INSR: variants seen among roughly 807,000 people sequenced by gnomAD.
INSR encodes the protein insulin receptor, also known as IR.
INSR carries 67 observed loss-of-function variants against 142.6 expected under a neutral mutation model. That is an observed-to-expected ratio of 0.47 (90% CI 0.39 to 0.58). INSR has a LOEUF of 0.58. Ranked by LOEUF, INSR falls within the 20% of genes least tolerant of loss-of-function variation. The pLI is 0.00. For synonymous variants in INSR, 756 were observed against 743.1 expected (o/e 1.02, Z -0.28); for missense variants, 1,248 against 1,833.2 (o/e 0.68, Z 5.83).
At chr19:7,256,706 A>G (rs1340331734) in intron 2 of INSR, among the ~76,000 whole-genome samples, 2 of 152,094 alleles carry the variant, frequency 1.3e-5, no homozygotes, top group Non-Finnish European at 2.9e-5. Flanking sequence ...AGCCTGGACA[A>G]CAGAGTTGAG....
rs1361074737 is a variant in INSR, at chr19:7,167,960, C to T, written c.1610+8G>A. 1.9e-6 allele frequency: 3 copies of T among 1,613,876 alleles called. No individual in the cohort carries two copies. Among genetic ancestry groups the T allele is most frequent in the Admixed American group, 1.7e-5 (1 of 59,974 alleles). Reference sequence around the variant, plus strand: ...CCTCCTCAGCGTCTCTCTAACTCTTCTACTTACGCCTCTTTGTAGAACAGC... The same window carrying T: ...CCTCCTCAGCGTCTCTCTAACTCTTTTACTTACGCCTCTTTGTAGAACAGC... On this transcript the variant is annotated splice_region_variant and intron_variant, in intron 7 of 21. Coordinates refer to ENST00000302850, the MANE Select transcript of INSR (RefSeq NM_000208.4).
At chr19:7,278,861 G>T (rs1327070253) in intron 1 of INSR, among the ~76,000 whole-genome samples, 1 of 152,132 alleles carries the variant, frequency 6.6e-6, no homozygotes, top group African/African-American at 2.4e-5. Flanking sequence ...CGGTATGGTG[G>T]CGTATGCCTG....
At chr19:7,281,441 G>A (rs1172219424) in intron 1 of INSR, among the ~76,000 whole-genome samples, 1 of 152,124 alleles carries the variant, frequency 6.6e-6, no homozygotes, top group African/African-American at 2.4e-5. Flanking sequence ...TTGGGAGGCT[G>A]AGGCGGGACG....
rs1289431882 is a variant in INSR, at chr19:7,216,685, C to G, written c.653-32048G>C. Among the ~76,000 whole-genome samples, 1 of 152,228 alleles carries G rather than the reference C, an allele frequency of 6.6e-6. No homozygotes were observed. Among genetic ancestry groups the G allele is most frequent in the Non-Finnish European group, 1.5e-5 (1 of 68,040 alleles). On this transcript the variant is annotated intron_variant, in intron 2 of 21. Coordinates refer to ENST00000302850, the MANE Select transcript of INSR (RefSeq NM_000208.4). This position sits in a 1 kb window ranked among gnomAD's most constrained non-coding sequence, Gnocchi z 4.2. The stretch of plus-strand genomic sequence containing the variant: ...ATCCACCTCTCACCAAGGCCCTGCT[C>G]TGACTCCTGTTGGCCCCTGGCTAGA...
At chr19:7,205,356 A>G (rs1389287987) in intron 2 of INSR, among the ~76,000 whole-genome samples, 1 of 152,232 alleles carries the variant, frequency 6.6e-6, no homozygotes, top group Non-Finnish European at 1.5e-5. Context: ...ATTTCCTCAG[A>G]AGGTTATTCT....
In INSR at chr19:7,225,425, ACT is replaced by A. The variant is rs1600056593; in HGVS notation, c.653-40790_653-40789del. 6.7e-6 allele frequency among the ~76,000 whole-genome samples: 1 copy of A among 148,300 alleles called. No individual in the cohort carries two copies. The highest frequency in any genetic ancestry group is 1.5e-5 in the Non-Finnish European group (1 of 67,204). The stretch of plus-strand genomic sequence containing the variant: ...CACCAAGCCAAAATGCTTGAGTGAC[ACT>A]CTCTGATTCTCCAGTGTACCATGTC... On this transcript the variant is annotated intron_variant, in intron 2 of 21. Coordinates refer to ENST00000302850, the MANE Select transcript of INSR (RefSeq NM_000208.4). The surrounding 1 kb of genome is among the most constrained non-coding windows in gnomAD (Gnocchi z 4.7).
rs536156047 is a variant in INSR, at chr19:7,249,113, C to T, written c.652+18232G>A. ...AAAACTAAAAGTCTGTGAAGAATTACACTTTCCTCTGAACTACATTGACAA... is the reference window on the plus strand; with the variant it reads ...AAAACTAAAAGTCTGTGAAGAATTATACTTTCCTCTGAACTACATTGACAA... On this transcript the variant is annotated intron_variant, in intron 2 of 21. Coordinates refer to ENST00000302850, the MANE Select transcript of INSR (RefSeq NM_000208.4). Among the ~76,000 whole-genome samples the T allele has an allele frequency of 2.0e-5, 3 of 152,240 alleles. No individual in the cohort carries two copies. In the South Asian group the frequency reaches 6.2e-4, roughly 32 times the overall value.
Position 7,197,780 on chromosome 19 carries a change from T to TCC in INSR, c.653-13144_653-13143insGG, listed in dbSNP as rs565066895. On this transcript the variant is annotated intron_variant, in intron 2 of 21. Transcript: ENST00000302850. ...GGGAGTGTGTGTGTGTGTGTGTGTG[T>TCC]GTCCCCAGGATTGGTCGGTTCCAGA... is the stretch of plus-strand genomic sequence containing the variant. 2.0e-4 allele frequency among the ~76,000 whole-genome samples: 30 copies of TCC among 147,062 alleles called. No individual in the cohort carries two copies. The East Asian group carries it at 5.6e-3, about 27-fold the overall frequency.
chr19:7,269,606 A>G (rs1190565242), intron 1 of INSR, among the ~76,000 whole-genome samples: 1 of 107,702 alleles, frequency 9.3e-6, no homozygotes, highest in Non-Finnish European at 1.8e-5. Context: ...CACCCCTCCT[A>G]GTCAGGGACC....
intron 3 of INSR, among the ~76,000 whole-genome samples, chr19:7,182,921 A>AG (rs1233602912): frequency 1.3e-5 from 2 of 151,990 alleles, no homozygotes; most frequent in East Asian, 3.8e-4. Context: ...AAAAAAAAAA[A>AG]AAAACCTAAA....
At chr19:7,229,537 C>G (rs1012413337) in intron 2 of INSR, among the ~76,000 whole-genome samples, 1 of 152,160 alleles carries the variant, frequency 6.6e-6, no homozygotes, top group Non-Finnish European at 1.5e-5. Flanking sequence ...TAGGAGAGTA[C>G]AAGTAAATAC....
At chr19:7,270,291 C>T (rs1344985327) in intron 1 of INSR, among the ~76,000 whole-genome samples, 2 of 151,124 alleles carry the variant, frequency 1.3e-5, no homozygotes, top group African/African-American at 4.9e-5. Context: ...GGCTTCTCAA[C>T]CCTGAGTCCC....
intron 2 of INSR, among the ~76,000 whole-genome samples, chr19:7,254,220 T>G (rs947135039): frequency 6.6e-6 from 1 of 151,448 alleles, no homozygotes; most frequent in East Asian, 1.9e-4. Context: ...AAGAAAAATT[T>G]AAAAAATAAA....
intron 9 of INSR, among the ~76,000 whole-genome samples, chr19:7,158,234 C>G (rs1265267963): frequency 6.6e-6 from 1 of 152,006 alleles, no homozygotes; most frequent in Non-Finnish European, 1.5e-5. Flanking sequence ...GGCGCGGTGA[C>G]TCACGCCTGT....
At chr19:7,248,754 A>ATTTTTTTTTTTTTTTTTTT (rs552940485) in intron 2 of INSR, among the ~76,000 whole-genome samples, 10 of 97,274 alleles carry the variant, frequency 1.0e-4, no homozygotes, top group African/African-American at 4.1e-4. Context: ...GTTGGCCAGA[A>ATTTTTTTTTTTTTTTTTTT]TTTTTTTTTT....
chr19:7,155,029 C>T (rs568078713), intron 9 of INSR, among the ~76,000 whole-genome samples: 1 of 152,282 alleles, frequency 6.6e-6, no homozygotes, highest in South Asian at 2.1e-4. Flanking sequence ...ACAATAAACT[C>T]ATAAATACAC....
chr19:7,235,337 T>C (rs981212219), intron 2 of INSR, among the ~76,000 whole-genome samples: 21 of 152,304 alleles, frequency 1.4e-4, no homozygotes, highest in African/African-American at 5.1e-4. Context: ...CCTACATTCT[T>C]ACTCCTTGTG....
In INSR at chr19:7,113,705, T is replaced by C. The variant is rs1184246032; in HGVS notation, c.*3351A>G. The C allele has an allele frequency of 6.6e-6, 1 of 152,212 alleles. No homozygotes were observed. The highest frequency in any genetic ancestry group is 1.5e-5 in the Non-Finnish European group (1 of 68,038). The allele number at this position is 152,212 out of a possible 1,614,324, so 9.4% of individuals were successfully genotyped here. A position where few individuals can be genotyped will look rare whatever the true frequency, so the allele number is the denominator to read the frequency against. ...CAAACTCCCAGGACAACCGTGTCTT[T>C]CTAGGACCAAAGTTTTATTGTTACA... On this transcript the variant is annotated 3_prime_UTR_variant, in exon 22 of 22. Transcript: ENST00000302850.
intron 1 of INSR, among the ~76,000 whole-genome samples, chr19:7,282,388 A>C (rs763383171): frequency 3.3e-5 from 5 of 150,512 alleles, no homozygotes; most frequent in Non-Finnish European, 7.4e-5. Context: ...TAATAATAAT[A>C]ATCCTTCAAG....
Sources: gnomAD v4.1 joint callset for allele counts (sites outside exome capture counted in the v4.1 genomes callset) on GRCh38, gnomAD v4.1.1 for gene constraint, Gnocchi (gnomAD v3.1) non-coding constraint, MANE v1.5 for transcripts, NCBI Gene and HGNC (gene_info 2026-07-23, HGNC 2026-07-21) for gene names.